RPTOR: variants seen among roughly 807,000 people sequenced by gnomAD.
The protein encoded by RPTOR is regulatory associated protein of MTOR complex 1.
In RPTOR, 21 loss-of-function variants were observed where a neutral mutation model predicts 169.9. The observed-to-expected ratio is 0.12, with a 90% confidence interval of 0.09 to 0.18. The LOEUF (loss-of-function observed/expected upper bound fraction) is 0.18. RPTOR is among the 10% of genes least tolerant of loss of function. RPTOR has a pLI of 1.00. For synonymous variants in RPTOR, 732 were observed against 753.2 expected (o/e 0.97, Z 0.46); for missense variants, 1,133 against 1,855.9 (o/e 0.61, Z 7.16).
chr17:80,711,762 A>AGCC (rs1567870192), intron 4 of RPTOR, among the ~76,000 whole-genome samples: 1 of 18,322 alleles, frequency 5.5e-5, no homozygotes, highest in African/African-American at 6.4e-4. Context: ...TTTTTTTTTG[A>AGCC]GGTTAAGTCT....
Position 80,965,472 on chromosome 17 carries a change from A to C in RPTOR, c.*1142A>C, listed in dbSNP as rs1190025476. On this transcript the variant is annotated 3_prime_UTR_variant, in exon 34 of 34. Coordinates refer to ENST00000306801, the MANE Select transcript of RPTOR (RefSeq NM_020761.3). Reference sequence around the variant, plus strand: ...GACAGTCCCGCCCAGGAGGGGCCGCAGGGCGTGTATGAGCAGTTTTGCAAA... The same window carrying C: ...GACAGTCCCGCCCAGGAGGGGCCGCCGGGCGTGTATGAGCAGTTTTGCAAA... The C allele has an allele frequency of 8.6e-6, 2 of 233,286 alleles. No homozygotes were observed. The highest frequency in any genetic ancestry group is 4.4e-5 in the African/African-American group (2 of 45,370). The allele number at this position is 233,286 out of a possible 1,614,324, so 14.5% of individuals were successfully genotyped here.
intron 1 of RPTOR, among the ~76,000 whole-genome samples, chr17:80,574,080 T>C (rs968711359): frequency 6.6e-6 from 1 of 152,196 alleles, no homozygotes; most frequent in African/African-American, 2.4e-5. Context: ...TAAGGTCATG[T>C]AATCCGAAAG....
chr17:80,583,192 T>TTTTTTTTTG (rs2065031060), intron 1 of RPTOR, among the ~76,000 whole-genome samples: 1 of 127,730 alleles, frequency 7.8e-6, no homozygotes, highest in Non-Finnish European at 1.7e-5. Context: ...GTTTTTTTTT[T>TTTTTTTTTG]TTTTTTTTTT....
intron 2 of RPTOR, among the ~76,000 whole-genome samples, chr17:80,634,700 CGT>C (rs2065487301): frequency 1.4e-5 from 1 of 69,918 alleles, no homozygotes; most frequent in African/African-American, 7.1e-5. Context: ...TGTGCGTGTG[CGT>C]ACTGTGTGTG....
intron 2 of RPTOR, among the ~76,000 whole-genome samples, chr17:80,628,607 TTTTG>T: frequency 6.6e-6 from 1 of 152,294 alleles, no homozygotes; most frequent in Non-Finnish European, 1.5e-5. Context: ...CCTATTAGTT[TTTTG>T]TTTGTTTGTT....
At chr17:80,825,590 G>T (rs2067433387) in intron 9 of RPTOR, among the ~76,000 whole-genome samples, 1 of 152,242 alleles carries the variant, frequency 6.6e-6, no homozygotes, top group Admixed American at 6.5e-5. Context: ...CACAGAGCCA[G>T]CCCTCACCTG....
At chr17:80,665,331 C>CTTTT (rs146657502) in intron 3 of RPTOR, among the ~76,000 whole-genome samples, 3 of 104,144 alleles carry the variant, frequency 2.9e-5, no homozygotes, top group African/African-American at 1.5e-4. Context: ...CTTTTCTTTT[C>CTTTT]CCTTTCCTTT....
chr17:80,893,514 GGTGT>G (rs2068359357), intron 19 of RPTOR, among the ~76,000 whole-genome samples, 189 bp from the exon 20 acceptor site: 1 of 150,300 alleles, frequency 6.7e-6, no homozygotes, highest in Non-Finnish European at 1.5e-5. Context: ...TGTGTATGAG[GGTGT>G]GTGTATGTCG....
chr17:80,884,021 G>C (rs768233863), intron 16 of RPTOR, 49 bp downstream of exon 16: 26 of 1,573,244 alleles, frequency 1.7e-5, no homozygotes, highest in Non-Finnish European at 2.2e-5. Context: ...TGCCGACTGC[G>C]GGGGTAAGGC....
At chr17:80,610,747 C>T (rs2065264611) in intron 1 of RPTOR, among the ~76,000 whole-genome samples, 1 of 152,156 alleles carries the variant, frequency 6.6e-6, no homozygotes, top group Non-Finnish European at 1.5e-5. Context: ...GGAAGTGATA[C>T]CCTCCCTGAC....
chr17:80,870,666 G>A (rs547025386), intron 13 of RPTOR, among the ~76,000 whole-genome samples: 2 of 152,264 alleles, frequency 1.3e-5, no homozygotes, highest in South Asian at 2.1e-4. Context: ...GTGCCCTGGT[G>A]GGGGCTAGTC....
rs76162113 is a variant in RPTOR, at chr17:80,698,233, G to A, written c.349-9608G>A. Among the ~76,000 whole-genome samples the A allele has an allele frequency of 6.3e-4, 96 of 152,332 alleles. 1 individual carries two copies. The East Asian group carries it at 0.018, about 29-fold the overall frequency. On this transcript the variant is annotated intron_variant, in intron 3 of 33. Coordinates refer to ENST00000306801, the MANE Select transcript of RPTOR (RefSeq NM_020761.3). ...GTGACAGGCCAGGTAGGCCGAGTGA[G>A]CAGGGGAGCCACGTGAGGCCAGTGC...
At chr17:80,858,804 G>A (rs775553818) in intron 13 of RPTOR, among the ~76,000 whole-genome samples, 36 of 152,346 alleles carry the variant, frequency 2.4e-4, no homozygotes, top group Non-Finnish European at 3.8e-4. Flanking sequence ...GGCTGTGTGC[G>A]GGGACACGCA....
intron 1 of RPTOR, among the ~76,000 whole-genome samples, chr17:80,596,070 T>C (rs1261949894): frequency 6.6e-6 from 1 of 152,242 alleles, no homozygotes; most frequent in Non-Finnish European, 1.5e-5. Context: ...AGCGTGGATA[T>C]GTTGTGAAGA....
rs1412263248 is a variant in RPTOR at position 80,962,493 on chromosome 17, G to A, written c.3725G>A (p.Arg1242Gln). The change falls in exon 32 of 34, where the codon CGG (arginine) becomes CAG (glutamine). Residue 1242 changes from arginine to glutamine, a missense_variant. Transcript: ENST00000306801. ...VNGDVRIFDP[R>Q]MPESVNVLQI... is the part of the protein sequence containing the mutation. ...GGAGATGTGCGCATCTTTGATCCCCGGATGCCTGAGTCGGTAAATGTGCTT... is the reference window on the plus strand; with the variant it reads ...GGAGATGTGCGCATCTTTGATCCCCAGATGCCTGAGTCGGTAAATGTGCTT... 2 of 1,613,926 alleles carry A rather than the reference G, an allele frequency of 1.2e-6. No individual in the cohort carries two copies. Among genetic ancestry groups the A allele is most frequent in the Non-Finnish European group, 8.5e-7 (1 of 1,179,948 alleles).
At chr17:80,948,052 AG>A (rs1345850232) in intron 27 of RPTOR, among the ~76,000 whole-genome samples, 1 of 152,232 alleles carries the variant, frequency 6.6e-6, no homozygotes, top group Admixed American at 6.5e-5. Flanking sequence ...GTTGCTGATG[AG>A]AAGTCGCTGT....
At chr17:80,805,782 T>G (rs1441974781) in intron 7 of RPTOR, 4 of 152,246 alleles carry the variant, frequency 2.6e-5, no homozygotes, top group Admixed American at 2.6e-4. Context: ...GGTTTTTGTT[T>G]GCAGCCTCCA....
intron 1 of RPTOR, among the ~76,000 whole-genome samples, chr17:80,565,411 G>A (rs1405706655): frequency 1.3e-5 from 2 of 152,212 alleles, no homozygotes; most frequent in East Asian, 3.8e-4. Context: ...ACACACCATG[G>A]GGGGTGTAGG....
chr17:80,733,174 G>A (rs1455546464), intron 5 of RPTOR, among the ~76,000 whole-genome samples: 1 of 152,176 alleles, frequency 6.6e-6, no homozygotes, highest in East Asian at 1.9e-4. Flanking sequence ...TGTAGGTAGA[G>A]TAGAAGACGA....
Sources: gnomAD v4.1 joint callset for allele counts (sites outside exome capture counted in the v4.1 genomes callset) on GRCh38, gnomAD v4.1.1 for gene constraint, MANE v1.5 for transcripts, NCBI Gene and HGNC (gene_info 2026-07-23, HGNC 2026-07-21) for gene names.